Variants in DLGAP4 observed in about 807,000 individuals in gnomAD.
The protein encoded by DLGAP4 is disks large-associated protein 4.
Under a neutral mutation model 86.9 loss-of-function variants are expected in DLGAP4, and 18 were observed. That is an observed-to-expected ratio of 0.21 (90% confidence interval 0.14 to 0.31). The LOEUF (loss-of-function observed/expected upper bound fraction) is 0.31. Among genes scored for constraint, DLGAP4 ranks in the 10% least tolerant of loss-of-function variants. The pLI, the probability that DLGAP4 is intolerant of heterozygous loss-of-function variation, is 1.00. For missense variants in DLGAP4, 1,085 were observed against 1,362.6 expected (o/e 0.80, Z 3.21); for synonymous variants, 548 against 574.3 (o/e 0.95, Z 0.65).
intron 2 of DLGAP4, among the ~76,000 whole-genome samples, chr20:36,424,593 G>A (rs2032922283): frequency 1.3e-5 from 2 of 152,148 alleles, no homozygotes; most frequent in Admixed American, 6.5e-5. Context: ...CCTCTGTGCA[G>A]GGGGGTCCTG....
In DLGAP4 at chr20:36,439,617, A is replaced by C. The variant is rs1030314961; in HGVS notation, c.1242-137A>C. On this transcript the variant is annotated intron_variant, in intron 4 of 12. Coordinates refer to ENST00000339266, the MANE Select transcript of DLGAP4 (RefSeq NM_001365621.2). ...CCTCGGGTTTTAAACAGTCAAATAC[A>C]AGCTGGTGCTGCCACCCTGCGGCTG... 5.7e-6 allele frequency: 4 copies of C among 697,514 alleles called. No individual in the cohort carries two copies. In the African/African-American group the frequency reaches 7.1e-5, roughly 12 times the overall value. The allele number at this position is 697,514 out of a possible 1,614,324, so 43.2% of individuals were successfully genotyped here.
chr20:36,347,099 G>C (rs1297884148), intron 1 of DLGAP4, among the ~76,000 whole-genome samples: 1 of 152,180 alleles, frequency 6.6e-6, no homozygotes, highest in African/African-American at 2.4e-5. Flanking sequence ...CCCTCAGAGT[G>C]CTCTGTCTGG....
chr20:36,353,325 G>A (rs904198687), intron 1 of DLGAP4, among the ~76,000 whole-genome samples: 2 of 152,136 alleles, frequency 1.3e-5, no homozygotes, highest in African/African-American at 2.4e-5. Flanking sequence ...GAGAGGGGGC[G>A]GCTCTGGCAG....
intron 6 of DLGAP4, among the ~76,000 whole-genome samples, chr20:36,444,050 T>C (rs983966834): frequency 6.6e-6 from 1 of 152,124 alleles, no homozygotes; most frequent in African/African-American, 2.4e-5. Context: ...TCCTGTGTGA[T>C]CCCAAAGCAA....
At chr20:36,456,386 C>T (rs1201141946) in intron 7 of DLGAP4, among the ~76,000 whole-genome samples, 1 of 152,154 alleles carries the variant, frequency 6.6e-6, no homozygotes, top group Admixed American at 6.5e-5. Flanking sequence ...ACAGGAGTTG[C>T]AGGGGAAGTC....
At position 36,446,908 on chromosome 20, in the gene DLGAP4, G is replaced by A; in HGVS notation, c.1619G>A (p.Gly540Asp). The A allele has an allele frequency of 6.2e-7, 1 of 1,611,796 alleles. No individual in the cohort carries two copies. Residue 540 changes from glycine to aspartate, a missense_variant, in exon 7 of 13, where the codon GGC becomes GAC. This residue lies in a region of DLGAP4 where 1,082 missense variants were observed against 1,344.1 expected (regional missense o/e 0.81). Coordinates refer to ENST00000339266, the MANE Select transcript of DLGAP4 (RefSeq NM_001365621.2). ...TCCCTCTCCCCACCGCCCAGTACCG[G>A]CAGCCTCAGCAATAGTCGCACGCTT... ...LQSLSPPPST[G>D]SLSNSRTLPS... is the part of the protein sequence containing the mutation.
At chr20:36,354,098 C>T (rs2030249737) in intron 1 of DLGAP4, among the ~76,000 whole-genome samples, 1 of 152,184 alleles carries the variant, frequency 6.6e-6, no homozygotes, top group African/African-American at 2.4e-5. Flanking sequence ...TGCCGGCCGG[C>T]CTCCCGCCTC....
intron 2 of DLGAP4, among the ~76,000 whole-genome samples, chr20:36,371,833 G>A (rs1022866830): frequency 6.6e-6 from 1 of 152,102 alleles, no homozygotes; most frequent in African/African-American, 2.4e-5. Flanking sequence ...TGTGTTTCTG[G>A]AAACTGCACA....
intron 7 of DLGAP4, among the ~76,000 whole-genome samples, chr20:36,459,397 GAC>G (rs2033963581): frequency 6.6e-6 from 1 of 152,030 alleles, no homozygotes. Context: ...TTATTTTGGA[GAC>G]AGTGTCTCAC....
At chr20:36,325,368 T>A (rs2065206022) in intron 1 of DLGAP4, among the ~76,000 whole-genome samples, 1 of 152,236 alleles carries the variant, frequency 6.6e-6, no homozygotes, top group Non-Finnish European at 1.5e-5. Context: ...ACTTGTTTAA[T>A]GGCCCAGAAT....
At chr20:36,473,713 G>A (rs1435687305) in intron 7 of DLGAP4, among the ~76,000 whole-genome samples, 1 of 152,220 alleles carries the variant, frequency 6.6e-6, no homozygotes, top group African/African-American at 2.4e-5. Flanking sequence ...GCCTCCCAAA[G>A]TGCTGGGATT....
rs887960443 is a variant in DLGAP4, at chr20:36,493,738, G to A, written c.1649-2967G>A. Among the ~76,000 whole-genome samples, 5 of 152,304 alleles carry A rather than the reference G, an allele frequency of 3.3e-5. No homozygotes were observed. The South Asian group carries it at 6.2e-4, about 19-fold the overall frequency. The stretch of plus-strand genomic sequence containing the variant: ...GGTGGCTGTGCCGTGGAGCAGATGC[G>A]GCTGCTGCTTACTCCTGCAACTTTG... On this transcript the variant is annotated intron_variant, in intron 7 of 12. Coordinates refer to ENST00000339266, the MANE Select transcript of DLGAP4 (RefSeq NM_001365621.2).
chr20:36,378,304 G>T (rs1233987472), intron 2 of DLGAP4, among the ~76,000 whole-genome samples: 1 of 152,142 alleles, frequency 6.6e-6, no homozygotes, highest in Non-Finnish European at 1.5e-5. Context: ...GATCTGTCTG[G>T]TTAAAAGCCT....
chr20:36,414,168 T>C (rs185398030), intron 2 of DLGAP4, among the ~76,000 whole-genome samples: 22 of 152,310 alleles, frequency 1.4e-4, no homozygotes, highest in African/African-American at 5.1e-4. Context: ...CAAGGTGAGT[T>C]AGCCAGGACT....
chr20:36,326,785 T>C (rs2065219273), intron 1 of DLGAP4, among the ~76,000 whole-genome samples: 1 of 152,094 alleles, frequency 6.6e-6, no homozygotes, highest in Non-Finnish European at 1.5e-5. Context: ...CTTTAATGTG[T>C]CTGAAAAAGT....
chr20:36,389,877 T>A (rs1032658773), intron 2 of DLGAP4, among the ~76,000 whole-genome samples: 4 of 152,104 alleles, frequency 2.6e-5, no homozygotes, highest in African/African-American at 9.7e-5. Flanking sequence ...ATTCATACAG[T>A]AAATACAGTA....
intron 10 of DLGAP4, among the ~76,000 whole-genome samples, chr20:36,515,967 A>C (rs996968730): frequency 6.6e-6 from 1 of 152,234 alleles, no homozygotes; most frequent in Non-Finnish European, 1.5e-5. Flanking sequence ...GTTTGATGCC[A>C]TTAATTGGCT....
intron 2 of DLGAP4, among the ~76,000 whole-genome samples, chr20:36,423,287 C>A (rs1345900039): frequency 2.0e-5 from 3 of 151,454 alleles, no homozygotes; most frequent in African/African-American, 7.3e-5. Context: ...GAAACCCCGT[C>A]TCTACCAAAA....
rs190614841 is a variant in DLGAP4 at position 36,372,635 on chromosome 20, C to G, written c.-73+5360C>G. Among the ~76,000 whole-genome samples, 20 of 151,880 alleles carry G rather than the reference C, an allele frequency of 1.3e-4. No individual in the cohort carries two copies. The East Asian group carries it at 3.5e-3, about 27-fold the overall frequency. The stretch of plus-strand genomic sequence containing the variant: ...AACAACGTACACTCGTGAAGTCAAA[C>G]TCTCTGAATCATGGAATCTTAGTCA... On this transcript the variant is annotated intron_variant, in intron 2 of 12. Transcript: ENST00000339266.
Sources: allele counts gnomAD v4.1 joint callset (sites outside exome capture counted in the v4.1 genomes callset), GRCh38; gene constraint gnomAD v4.1.1; regional missense constraint gnomAD v4.1.1; transcripts MANE v1.5; gene names NCBI Gene and HGNC (gene_info 2026-07-23, HGNC 2026-07-21).